Variants in KDM6A observed in about 807,000 individuals in gnomAD.
The protein encoded by KDM6A is lysine demethylase 6A.
Under a neutral mutation model 117.6 loss-of-function variants are expected in KDM6A, and 11 were observed. That is an observed-to-expected ratio of 0.09 (90% CI 0.06 to 0.15). The LOEUF (loss-of-function observed/expected upper bound fraction) is 0.15, where lower values mean the gene tolerates loss of function less well. KDM6A is among the 10% of genes least tolerant of loss of function. The probability of loss-of-function intolerance (pLI) is 1.00; values close to 1 mark genes in which losing one functional copy is unlikely to be tolerated. For synonymous variants in KDM6A, 384 were observed against 396.1 expected (o/e 0.97, Z 0.36); for missense variants, 799 against 1,077.3 (o/e 0.74, Z 3.62).
chrX:45,026,904 TATTAA>T (rs2147718375), intron 6 of KDM6A, among the ~76,000 whole-genome samples: 1 of 111,509 alleles, frequency 9.0e-6, no homozygotes, highest in South Asian at 3.7e-4. Flanking sequence ...GAATGCTAGC[TATTAA>T]ATTAATTTTA....
At chrX:45,046,268 TTATACA>T (rs1355650776) in intron 8 of KDM6A, among the ~76,000 whole-genome samples, 2 of 111,945 alleles carry the variant, frequency 1.8e-5, no homozygotes, top group Non-Finnish European at 3.8e-5. Flanking sequence ...AAAAACACTC[TTATACA>T]TAGGAATTGC....
At chrX:44,936,230 C>G (rs768116614) in intron 2 of KDM6A, among the ~76,000 whole-genome samples, 18 of 111,155 alleles carry the variant, frequency 1.6e-4, no homozygotes, top group South Asian at 3.8e-4. Flanking sequence ...AGGACACATA[C>G]GATTGTATTT....
At chrX:45,067,430 T>A (rs2044576773) in intron 17 of KDM6A, among the ~76,000 whole-genome samples, 1 of 111,448 alleles carries the variant, frequency 9.0e-6, no homozygotes, top group Admixed American at 9.5e-5. Flanking sequence ...CTGAATTAAA[T>A]ATTTTACATT....
At chrX:45,094,287 G>A (rs918559102) in intron 27 of KDM6A, among the ~76,000 whole-genome samples, 2 of 111,553 alleles carry the variant, frequency 1.8e-5, no homozygotes, top group African/African-American at 3.3e-5. Flanking sequence ...AAAGAAATTC[G>A]GTGATAGATC....
At chrX:45,003,853 TCTC>T (rs2041287907) in intron 4 of KDM6A, among the ~76,000 whole-genome samples, 2 of 102,814 alleles carry the variant, frequency 1.9e-5, no homozygotes, top group African/African-American at 7.2e-5. Context: ...TCCCCTGCCT[TCTC>T]CTCTCTCTCC....
intron 2 of KDM6A, among the ~76,000 whole-genome samples, chrX:44,916,818 A>G (rs1255977666): frequency 3.7e-5 from 4 of 107,724 alleles, no homozygotes; most frequent in Non-Finnish European, 7.7e-5. Flanking sequence ...ACTAATTTTA[A>G]AATTTTTTGT....
intron 17 of KDM6A, among the ~76,000 whole-genome samples, chrX:45,067,655 T>TTTTTTG (rs201135311): frequency 0.038 from 3,563 of 94,045 alleles, 212 homozygotes; most frequent in African/African-American, 0.16. Context: ...TTTTTTTTGT[T>TTTTTTG]TTTTTTTTTT....
At chrX:45,084,424 G>C (rs2045562002) in intron 24 of KDM6A, among the ~76,000 whole-genome samples, 1 of 111,392 alleles carries the variant, frequency 9.0e-6, no homozygotes, top group Non-Finnish European at 1.9e-5. Context: ...AATGTACTTG[G>C]GGCTGCAGGT....
chrX:44,983,222 C>T (rs1163690980), intron 4 of KDM6A, among the ~76,000 whole-genome samples: 3 of 111,242 alleles, frequency 2.7e-5, no homozygotes, highest in Non-Finnish European at 5.7e-5. Context: ...TGGTGCATCC[C>T]GGTGATTAAG....
At chrX:45,037,632 TTG>T (rs2147793674) in intron 7 of KDM6A, 21 bp from the exon 8 acceptor site, 2 of 1,192,284 alleles carry the variant, frequency 1.7e-6, no homozygotes, top group East Asian at 5.9e-5. Flanking sequence ...ACTGATTTTT[TTG>T]TCTTTCCTCA....
chrX:45,011,174 T>C (rs2041739733), intron 5 of KDM6A, among the ~76,000 whole-genome samples, 155 bp downstream of exon 5: 1 of 111,740 alleles, frequency 8.9e-6, no homozygotes, highest in South Asian at 3.7e-4. Flanking sequence ...AATGATTAGA[T>C]TGTTCCTTGA....
chrX:44,988,398 C>T (rs1471993292), intron 4 of KDM6A, among the ~76,000 whole-genome samples: 1 of 111,365 alleles, frequency 9.0e-6, no homozygotes, highest in African/African-American at 3.3e-5. Flanking sequence ...CTGAAGCCTT[C>T]TTCTCTCAAC....
At chrX:44,943,795 TG>T (rs760168507) in intron 2 of KDM6A, among the ~76,000 whole-genome samples, 14 of 111,795 alleles carry the variant, frequency 1.3e-4, no homozygotes, top group Admixed American at 3.8e-4. Context: ...TAAACTTCTC[TG>T]GGTTATATAT....
At chrX:45,090,916 C>T in intron 27 of KDM6A, 52 bp downstream of exon 27, 1 of 1,161,542 alleles carries the variant, frequency 8.6e-7, no homozygotes, top group Non-Finnish European at 1.2e-6. Context: ...GGAGTGTTAA[C>T]TATTAAGTTT....
intron 2 of KDM6A, among the ~76,000 whole-genome samples, chrX:44,894,004 C>T (rs2033598771): frequency 8.9e-6 from 1 of 111,758 alleles, no homozygotes; most frequent in South Asian, 3.7e-4. Flanking sequence ...ATGGCATATA[C>T]TTCTTTGTGT....
intron 27 of KDM6A, among the ~76,000 whole-genome samples, chrX:45,093,762 T>C (rs900279045): frequency 1.8e-5 from 2 of 111,748 alleles, no homozygotes; most frequent in Non-Finnish European, 3.8e-5. Flanking sequence ...CAGTTTATCA[T>C]TAAAATGTTG....
intron 2 of KDM6A, among the ~76,000 whole-genome samples, chrX:44,928,805 C>G (rs750310711): frequency 1.1e-3 from 117 of 110,556 alleles, no homozygotes; most frequent in Non-Finnish European, 1.8e-3. Flanking sequence ...TTTATACTTA[C>G]GGGAATAAAA....
intron 2 of KDM6A, among the ~76,000 whole-genome samples, chrX:44,914,819 C>G (rs1370522407): frequency 9.0e-6 from 1 of 110,788 alleles, no homozygotes; most frequent in Non-Finnish European, 1.9e-5. Context: ...ATTAGCAAAG[C>G]TAGCTTGGAA....
intron 5 of KDM6A, among the ~76,000 whole-genome samples, chrX:45,020,095 G>GA (rs982109479): frequency 9.0e-6 from 1 of 111,486 alleles, no homozygotes; most frequent in Admixed American, 9.6e-5. Context: ...TATCAGTTTG[G>GA]AAAATATGAA....
Sources: allele counts gnomAD v4.1 joint callset (sites outside exome capture counted in the v4.1 genomes callset), GRCh38; gene constraint gnomAD v4.1.1; transcripts MANE v1.5; gene names NCBI Gene and HGNC (gene_info 2026-07-23, HGNC 2026-07-21).